Variants in TDRP observed in about 807,000 individuals in gnomAD.
The protein encoded by TDRP is testis development related protein.
In TDRP, 12 loss-of-function variants were observed where a neutral mutation model predicts 10.5. That is an observed-to-expected ratio of 1.15 (90% CI 0.73 to 1.86). The LOEUF (loss-of-function observed/expected upper bound fraction) is 1.86. Ranked by LOEUF, TDRP falls within the 40% of genes most tolerant of loss-of-function variation. The pLI is 0.00. For missense variants in TDRP, 353 were observed against 229.2 expected (o/e 1.54, Z -3.49); for synonymous variants, 139 against 95.4 (o/e 1.46, Z -2.67).
rs374118309 is a variant in TDRP, at chr8:526,483, G to C, written c.108+18167C>G. Among the ~76,000 whole-genome samples, 5 of 152,122 alleles carry C rather than the reference G, an allele frequency of 3.3e-5. No individual in the cohort carries two copies. In the East Asian group the frequency reaches 7.7e-4, roughly 23 times the overall value. On this transcript the variant is annotated intron_variant, in intron 1 of 2. Coordinates refer to ENST00000324079, the MANE Select transcript of TDRP (RefSeq NM_001384899.1). ...CAATCGAAATTATCATATGGGTTTT[G>C]TCCTTCATTGTGTTGATATGATGTA...
At chr8:492,830 A>C in intron 2 of TDRP, 86 bp from the exon 3 acceptor site, 1 of 1,052,412 alleles carries the variant, frequency 9.5e-7, no homozygotes. Context: ...AAATTCTTTA[A>C]AATTTTAAAA....
At chr8:513,423 T>C (rs1158010113) in intron 1 of TDRP, among the ~76,000 whole-genome samples, 2 of 152,178 alleles carry the variant, frequency 1.3e-5, no homozygotes, top group South Asian at 2.1e-4. Context: ...TCTCAATATA[T>C]GCAGAAAAAA....
At chr8:493,262 T>A (rs1223319382) in intron 2 of TDRP, among the ~76,000 whole-genome samples, 1 of 152,186 alleles carries the variant, frequency 6.6e-6, no homozygotes, top group Non-Finnish European at 1.5e-5. Flanking sequence ...GGAAGAAAGA[T>A]CCTAAACTAC....
At chr8:506,313 C>T (rs1438195566) in intron 1 of TDRP, among the ~76,000 whole-genome samples, 1 of 152,314 alleles carries the variant, frequency 6.6e-6, no homozygotes, top group East Asian at 1.9e-4. Flanking sequence ...CCCAGCTCGG[C>T]AGCGGGGGGA....
chr8:519,663 T>G (rs1291095056), intron 1 of TDRP, among the ~76,000 whole-genome samples: 5 of 152,150 alleles, frequency 3.3e-5, no homozygotes, highest in Non-Finnish European at 7.4e-5. Flanking sequence ...GCTCACTGCT[T>G]GTAAAAAGAA....
intron 1 of TDRP, among the ~76,000 whole-genome samples, chr8:499,214 T>G (rs1420523703): frequency 6.6e-6 from 1 of 151,466 alleles, no homozygotes; most frequent in East Asian, 1.9e-4. Flanking sequence ...GTTTATGAAC[T>G]TCAAACAACG....
At chr8:533,509 A>G (rs1281743497) in intron 1 of TDRP, among the ~76,000 whole-genome samples, 6 of 152,154 alleles carry the variant, frequency 3.9e-5, no homozygotes, top group African/African-American at 1.2e-4. Flanking sequence ...CAAATCTTCC[A>G]TCTGAAACTC....
rs148329074 is a variant in TDRP, at chr8:505,846, C to T, written c.109-11249G>A. On this transcript the variant is annotated intron_variant, in intron 1 of 2. Transcript: ENST00000324079. ...CAGCCACACAAACCCTCAAATCACA[C>T]GCAAAGTCAGCACGTAGGCAGACAC... is the stretch of plus-strand genomic sequence containing the variant. Among the ~76,000 whole-genome samples, 50 of 152,274 alleles carry T rather than the reference C, an allele frequency of 3.3e-4. 1 individual carries two copies. In the East Asian group the frequency reaches 6.4e-3, roughly 19 times the overall value.
In TDRP at chr8:504,799, G is replaced by A. The variant is rs149125131; in HGVS notation, c.109-10202C>T. On this transcript the variant is annotated intron_variant, in intron 1 of 2. Transcript: ENST00000324079. Reference sequence around the variant, plus strand: ...AACTGGCATTCAAAACAGTCATCGAGACAAATGAACTTGTGCTCTCTGCTC... The same window carrying A: ...AACTGGCATTCAAAACAGTCATCGAAACAAATGAACTTGTGCTCTCTGCTC... Among the ~76,000 whole-genome samples, 54 of 152,272 alleles carry A rather than the reference G, an allele frequency of 3.5e-4. 1 individual carries two copies. The highest frequency in any genetic ancestry group is 6.8e-3 in the Middle Eastern group (2 of 294).
intron 1 of TDRP, among the ~76,000 whole-genome samples, chr8:502,314 A>T (rs867047857): frequency 6.6e-6 from 1 of 152,236 alleles, no homozygotes; most frequent in Non-Finnish European, 1.5e-5. Context: ...CATCCAAGTC[A>T]AACTGTGAGA....
intron 1 of TDRP, among the ~76,000 whole-genome samples, chr8:502,124 AAC>A (rs1801321474): frequency 6.6e-6 from 1 of 152,188 alleles, no homozygotes; most frequent in Non-Finnish European, 1.5e-5. Flanking sequence ...GGGAACACAA[AAC>A]ACAGTGCCCC....
intron 1 of TDRP, among the ~76,000 whole-genome samples, chr8:496,212 C>T (rs1801129473): frequency 6.6e-6 from 1 of 152,206 alleles, no homozygotes; most frequent in African/African-American, 2.4e-5. Context: ...ATCACACAAC[C>T]CATGTCATGC....
intron 1 of TDRP, among the ~76,000 whole-genome samples, chr8:504,319 T>TCC (rs1460198709): frequency 5.3e-5 from 8 of 152,188 alleles, no homozygotes; most frequent in Non-Finnish European, 1.0e-4. Flanking sequence ...TTTGATATGC[T>TCC]CCAGACAGCA....
At chr8:495,822 G>A (rs180857107) in intron 1 of TDRP, among the ~76,000 whole-genome samples, 1 of 152,180 alleles carries the variant, frequency 6.6e-6, no homozygotes, top group Non-Finnish European at 1.5e-5. Context: ...AATGTCTGGG[G>A]GTCTCCAGGG....
intron 1 of TDRP, among the ~76,000 whole-genome samples, chr8:542,586 C>T (rs1181595114): frequency 6.6e-6 from 1 of 152,100 alleles, no homozygotes; most frequent in African/African-American, 2.4e-5. Flanking sequence ...GATAACAGGC[C>T]AGGCGCGGTG....
chr8:513,683 C>G (rs1801676909), intron 1 of TDRP, among the ~76,000 whole-genome samples: 1 of 152,112 alleles, frequency 6.6e-6, no homozygotes, highest in African/African-American at 2.4e-5. Flanking sequence ...AAAATGCATA[C>G]AGAAAGGAAA....
In TDRP at chr8:490,942, T is replaced by C. The variant is rs1002440546; in HGVS notation, c.*1457A>G. On this transcript the variant is annotated 3_prime_UTR_variant, in exon 3 of 3. Transcript: ENST00000324079. ...GATGTAGACTGAGAGAAGACAGACA[T>C]AGAGGACAGGTGAATAGATACGGAT... 1 of 152,106 alleles carries C rather than the reference T, an allele frequency of 6.6e-6. No individual in the cohort carries two copies. Among genetic ancestry groups the C allele is most frequent in the East Asian group, 1.9e-4 (1 of 5,198 alleles). 9.4% of individuals were successfully genotyped at this position (152,106 alleles called of 1,614,324 possible). A position where few individuals can be genotyped will look rare whatever the true frequency, so the allele number is the denominator to read the frequency against.
intron 1 of TDRP, among the ~76,000 whole-genome samples, chr8:523,070 T>TG (rs1801947994): frequency 6.6e-6 from 1 of 152,194 alleles, no homozygotes; most frequent in Admixed American, 6.5e-5. Context: ...AATTATGTTC[T>TG]TTAAGTCTTG....
At chr8:497,051 G>A (rs1383457698) in intron 1 of TDRP, among the ~76,000 whole-genome samples, 1 of 152,206 alleles carries the variant, frequency 6.6e-6, no homozygotes, top group Non-Finnish European at 1.5e-5. Context: ...TTATAGCAGT[G>A]TGAAAACAGA....
Sources: allele counts gnomAD v4.1 joint callset (sites outside exome capture counted in the v4.1 genomes callset), GRCh38; gene constraint gnomAD v4.1.1; transcripts MANE v1.5; gene names NCBI Gene and HGNC (gene_info 2026-07-23, HGNC 2026-07-21).